Variants in GREB1L observed in about 807,000 individuals in gnomAD.
The protein encoded by GREB1L is GREB1 like retinoic acid receptor coactivator.
GREB1L carries 17 observed loss-of-function variants against 200.8 expected under a neutral mutation model. The observed-to-expected ratio is 0.08, with a 90% CI of 0.06 to 0.13. GREB1L has a LOEUF of 0.13. GREB1L is among the 10% of genes least tolerant of loss of function. The pLI is 1.00. For synonymous variants in GREB1L, 789 were observed against 893.0 expected, an observed-to-expected ratio of 0.88 and a Z score of 2.08; for missense variants, 1,657 against 2,367.7, an observed-to-expected ratio of 0.70 and a Z score of 6.23.
chr18:21,509,013 G>A (rs1423773261), intron 27 of GREB1L, among the ~76,000 whole-genome samples: 2 of 152,140 alleles, frequency 1.3e-5, no homozygotes, highest in African/African-American at 2.4e-5. Flanking sequence ...TTTAAGGCAC[G>A]TAGCAAGTTA....
chr18:21,329,287 T>G (rs923701245), intron 1 of GREB1L, among the ~76,000 whole-genome samples: 5 of 141,690 alleles, frequency 3.5e-5, no homozygotes, highest in African/African-American at 1.3e-4. Flanking sequence ...ATCAGGCCAC[T>G]GCACTCCAGC....
chr18:21,331,666 C>T (rs1247957959), intron 1 of GREB1L, among the ~76,000 whole-genome samples: 2 of 152,094 alleles, frequency 1.3e-5, no homozygotes, highest in African/African-American at 4.8e-5. Flanking sequence ...CTTCAGAAAC[C>T]TTAATACCTG....
chr18:21,365,463 ATTTAG>A (rs939600879), intron 1 of GREB1L, among the ~76,000 whole-genome samples: 3 of 152,196 alleles, frequency 2.0e-5, no homozygotes, highest in African/African-American at 7.2e-5. Context: ...AATTATAATT[ATTTAG>A]TTTAATATCT....
intron 1 of GREB1L, among the ~76,000 whole-genome samples, chr18:21,249,704 T>A (rs776143781): frequency 4.0e-5 from 6 of 149,860 alleles, no homozygotes; most frequent in Admixed American, 2.7e-4. Flanking sequence ...AAAAAAAAAA[T>A]ACAAAATTAG....
intron 7 of GREB1L, among the ~76,000 whole-genome samples, chr18:21,438,637 C>G (rs1393284553): frequency 6.6e-6 from 1 of 151,940 alleles, no homozygotes; most frequent in African/African-American, 2.4e-5. Context: ...CCACTGCACT[C>G]TAGCCTGGGT....
chr18:21,259,859 G>A (rs559120200), intron 1 of GREB1L, among the ~76,000 whole-genome samples: 1 of 151,894 alleles, frequency 6.6e-6, no homozygotes, highest in Admixed American at 6.6e-5. Flanking sequence ...TAAAACTGTG[G>A]CATTCCTTTT....
intron 4 of GREB1L, among the ~76,000 whole-genome samples, 154 bp downstream of exon 4, chr18:21,384,557 G>T (rs1051274980): frequency 6.6e-6 from 1 of 152,162 alleles, no homozygotes; most frequent in African/African-American, 2.4e-5. Flanking sequence ...ATTATCTCCT[G>T]TGACTTCACA....
intron 7 of GREB1L, among the ~76,000 whole-genome samples, chr18:21,436,616 A>G (rs2033550795): frequency 6.6e-6 from 1 of 151,950 alleles, no homozygotes; most frequent in African/African-American, 2.4e-5. Flanking sequence ...CTTGGGTGAC[A>G]GAATGAGAAT....
At chr18:21,412,047 G>A (rs1303500051) in intron 7 of GREB1L, among the ~76,000 whole-genome samples, 2 of 103,222 alleles carry the variant, frequency 1.9e-5, no homozygotes, top group African/African-American at 4.2e-5. Flanking sequence ...GCGAGACTCC[G>A]TCTCAAAAAA....
intron 1 of GREB1L, among the ~76,000 whole-genome samples, chr18:21,257,277 A>G (rs2037816121): frequency 6.6e-6 from 1 of 152,046 alleles, no homozygotes; most frequent in Non-Finnish European, 1.5e-5. Flanking sequence ...CGCAATTAAA[A>G]CGCTTAGTTT....
At chr18:21,420,110 C>T (rs77431684) in intron 7 of GREB1L, among the ~76,000 whole-genome samples, 31,348 of 152,106 alleles carry the variant, frequency 0.21, 3,895 homozygotes, top group East Asian at 0.44. Context: ...CGGTGGCTCA[C>T]GCCTGTAATC....
chr18:21,411,751 A>T (rs1375014549), intron 7 of GREB1L, among the ~76,000 whole-genome samples: 1 of 152,024 alleles, frequency 6.6e-6, no homozygotes, highest in African/African-American at 2.4e-5. Context: ...GTGTTCGTTA[A>T]AAATAGAATG....
chr18:21,351,726 A>G (rs1316872760), intron 1 of GREB1L, among the ~76,000 whole-genome samples: 2 of 152,244 alleles, frequency 1.3e-5, no homozygotes, highest in East Asian at 3.8e-4. Context: ...AAGTTTTCAA[A>G]CACTAGGTTG....
At chr18:21,443,053 A>G (rs2033990051) in intron 10 of GREB1L, among the ~76,000 whole-genome samples, 1 of 151,810 alleles carries the variant, frequency 6.6e-6, no homozygotes, top group African/African-American at 2.4e-5. Flanking sequence ...ACGAGCGTGC[A>G]CCACCACGCT....
Position 21,524,085 on chromosome 18 carries a change from T to C in GREB1L, c.*1264T>C, listed in dbSNP as rs1356594837. 1.3e-5 allele frequency: 2 copies of C among 152,226 alleles called. No individual in the cohort carries two copies. The highest frequency in any genetic ancestry group is 4.8e-5 in the African/African-American group (2 of 41,466). The allele number at this position is 152,226 out of a possible 1,614,324, so 9.4% of individuals were successfully genotyped here. ...TCTTAAATTACTCCAGTTCTCATCA[T>C]TGAACAATCTCTTGAGAGTTTTCTC... On this transcript the variant is annotated 3_prime_UTR_variant, in exon 33 of 33. Coordinates refer to ENST00000424526, the MANE Select transcript of GREB1L (RefSeq NM_001142966.3).
In GREB1L at chr18:21,473,088, A is replaced by G. The variant is rs139961242; in HGVS notation, c.2240A>G (p.Lys747Arg). ...GGGACAGCCCATCAGAGAGCAGAAA[A>G]ATATGTTGTTCGTCTAGACAATGAG... is the stretch of plus-strand genomic sequence containing the variant. ...ENGTAHQRAE[K>R]YVVRLDNEIQ... The change falls in exon 16 of 33, where the codon AAA (lysine) becomes AGA (arginine). Residue 747 changes from lysine (K) to arginine (R), a missense_variant. Physicochemically the swap from Lys to Arg is conservative, Grantham distance 26 (BLOSUM62 2). Transcript: ENST00000424526. The G allele has an allele frequency of 5.7e-4, 887 of 1,550,786 alleles. 14 individuals carry two copies. The East Asian group carries it at 0.02, about 34-fold the overall frequency.
intron 7 of GREB1L, among the ~76,000 whole-genome samples, chr18:21,411,746 C>T (rs975941764): frequency 6.6e-6 from 1 of 151,824 alleles, no homozygotes; most frequent in African/African-American, 2.4e-5. Flanking sequence ...CTAAAGTGTT[C>T]GTTAAAAATA....
At chr18:21,428,120 G>T (rs1362522902) in intron 7 of GREB1L, among the ~76,000 whole-genome samples, 1 of 144,870 alleles carries the variant, frequency 6.9e-6, no homozygotes. Context: ...AACCCGGGAA[G>T]CGGAGCTTGC....
intron 15 of GREB1L, among the ~76,000 whole-genome samples, chr18:21,461,359 T>C (rs536892539): frequency 3.5e-4 from 54 of 152,172 alleles, no homozygotes; most frequent in African/African-American, 1.3e-3. Flanking sequence ...CCCCACTCTC[T>C]CAAAGACAAA....
Sources: allele counts gnomAD v4.1 joint callset (sites outside exome capture counted in the v4.1 genomes callset), GRCh38; gene constraint gnomAD v4.1.1; transcripts MANE v1.5; gene names NCBI Gene and HGNC (gene_info 2026-07-23, HGNC 2026-07-21).